The following EYS variants were observed in gnomAD, a reference collection of about 807,000 sequenced individuals.
EYS encodes EGF-like photoreceptor maintenance factor, also known as protein eyes shut homolog.
EYS carries 250 observed loss-of-function variants against 282.1 expected under a neutral mutation model. The observed-to-expected ratio is 0.89, with a 90% confidence interval of 0.80 to 0.98. The LOEUF is 0.98. EYS is among the 50% of genes least tolerant of loss of function. The pLI is 0.00. For missense variants in EYS, 4,016 were observed against 3,709.0 expected, an observed-to-expected ratio of 1.08 and a Z score of -2.15; for synonymous variants, 1,355 against 1,282.9, an observed-to-expected ratio of 1.06 and a Z score of -1.20.
chr6:63,788,220 G>A lies in EYS; in HGVS notation c.7608C>T (p.Ile2536=), dbSNP rs562496683. Residue 2536 remains isoleucine (I), a synonymous_variant, in exon 39 of 43, where the codon ATC becomes ATT. Transcript: ENST00000503581. The part of the protein sequence containing the change: ...KVDDHKNKSI[I]APGRLVGLNV... ...TGAGACCAACCAGTCTTCCTGGGGC[G>A]ATAATGGATTTATTTTTATGATCAT... 1.1e-4 allele frequency: 170 copies of A among 1,537,920 alleles called. No individual in the cohort carries two copies. Among genetic ancestry groups the A allele is most frequent in the Admixed American group, 7.8e-4 (37 of 47,550 alleles).
intron 41 of EYS, among the ~76,000 whole-genome samples, chr6:63,761,006 A>G (rs1316246649): frequency 4.6e-5 from 7 of 151,410 alleles, no homozygotes; most frequent in African/African-American, 1.7e-4. Flanking sequence ...AACCATCATA[A>G]TCAGTTTTTA....
chr6:64,699,582 A>G (rs1316148468), intron 22 of EYS, among the ~76,000 whole-genome samples: 1 of 152,120 alleles, frequency 6.6e-6, no homozygotes, highest in African/African-American at 2.4e-5. Flanking sequence ...TATACCCACA[A>G]ATCAGAAAAC....
intron 26 of EYS, among the ~76,000 whole-genome samples, chr6:64,442,681 C>T (rs1774989205): frequency 6.6e-6 from 1 of 152,140 alleles, no homozygotes; most frequent in African/African-American, 2.4e-5. Flanking sequence ...CTAAAAGGGG[C>T]CAAGGTACAG....
intron 35 of EYS, among the ~76,000 whole-genome samples, chr6:63,908,968 A>G (rs946167428): frequency 6.7e-6 from 1 of 148,602 alleles, no homozygotes; most frequent in Non-Finnish European, 1.5e-5. Flanking sequence ...ATTGAAGGCT[A>G]TTTTTTTTTT....
intron 30 of EYS, among the ~76,000 whole-genome samples, chr6:64,285,630 C>G (rs1044211458): frequency 3.3e-5 from 5 of 152,122 alleles, no homozygotes; most frequent in Non-Finnish European, 7.4e-5. Context: ...TGTATTAGTC[C>G]ATTTTCACAC....
At chr6:64,900,386 C>T (rs936497632) in intron 18 of EYS, among the ~76,000 whole-genome samples, 4 of 152,062 alleles carry the variant, frequency 2.6e-5, no homozygotes, top group South Asian at 4.1e-4. Flanking sequence ...CAAATGGGAT[C>T]GAATTAAACT....
chr6:64,568,488 A>T (rs1765626056), intron 26 of EYS, among the ~76,000 whole-genome samples: 1 of 152,180 alleles, frequency 6.6e-6, no homozygotes, highest in African/African-American at 2.4e-5. Flanking sequence ...CCAGTCAGGG[A>T]CTTACAGATA....
At chr6:63,997,400 T>C (rs1434495072) in intron 34 of EYS, among the ~76,000 whole-genome samples, 2 of 152,124 alleles carry the variant, frequency 1.3e-5, no homozygotes, top group East Asian at 1.9e-4. Context: ...CGTGACCAAA[T>C]TGAGCTTTGG....
chr6:64,879,181 C>T (rs537397748), intron 19 of EYS, among the ~76,000 whole-genome samples: 1 of 152,234 alleles, frequency 6.6e-6, no homozygotes, highest in African/African-American at 2.4e-5. Context: ...ATGTCCTCAC[C>T]TCTATCTCCA....
intron 30 of EYS, among the ~76,000 whole-genome samples, chr6:64,272,032 T>G (rs1198171195): frequency 6.6e-6 from 1 of 152,132 alleles, no homozygotes; most frequent in Non-Finnish European, 1.5e-5. Flanking sequence ...GGCCTATATA[T>G]TCCCTATTAC....
At chr6:65,280,870 A>G (rs1288049205) in intron 12 of EYS, among the ~76,000 whole-genome samples, 1 of 146,778 alleles carries the variant, frequency 6.8e-6, no homozygotes, top group Non-Finnish European at 1.5e-5. Context: ...AAAAAAATAT[A>G]TATATATATA....
At chr6:64,421,819 AGAGAGAGC>A (rs1419287412) in intron 28 of EYS, among the ~76,000 whole-genome samples, 4 of 151,650 alleles carry the variant, frequency 2.6e-5, no homozygotes, top group Admixed American at 2.6e-4. Context: ...CGAAGAAGAG[AGAGAGAGC>A]GAGAGAGAGA....
At chr6:65,412,803 GA>G (rs1475764256) in intron 5 of EYS, among the ~76,000 whole-genome samples, 1 of 151,794 alleles carries the variant, frequency 6.6e-6, no homozygotes, top group Non-Finnish European at 1.5e-5. Context: ...GGTATTTCTA[GA>G]AAAAAATAGT....
intron 26 of EYS, among the ~76,000 whole-genome samples, chr6:64,576,111 T>C (rs550280572): frequency 2.6e-5 from 4 of 152,074 alleles, no homozygotes; most frequent in Admixed American, 2.0e-4. Flanking sequence ...CCTTTAAAAA[T>C]CTTGGAAAAT....
rs1202571733 is a variant in EYS, at chr6:65,491,304, C to G, written c.749-597G>C. On this transcript the variant is annotated intron_variant, in intron 4 of 42. Transcript: ENST00000503581. ...ACACACACACACACACACACACACA[C>G]ACAGCCTTCCATAACATACTCATTC... 2.7e-5 allele frequency: 7 copies of G among 259,022 alleles called. No individual in the cohort carries two copies. In the Admixed American group the frequency reaches 3.3e-4, roughly 12 times the overall value. 16.0% of individuals were successfully genotyped at this position (259,022 alleles called of 1,614,324 possible).
At chr6:65,474,755 T>C (rs1258252281) in intron 5 of EYS, among the ~76,000 whole-genome samples, 1 of 152,148 alleles carries the variant, frequency 6.6e-6, no homozygotes, top group Non-Finnish European at 1.5e-5. Context: ...AATGTTGTCA[T>C]TGTTTTAAAC....
chr6:64,337,580 CATT>C (rs1402766507), intron 29 of EYS, among the ~76,000 whole-genome samples: 6 of 151,788 alleles, frequency 4.0e-5, no homozygotes, highest in Admixed American at 3.9e-4. Context: ...ATCCTTTTAA[CATT>C]ATTCCACAAG....
At chr6:64,827,691 A>T (rs1044228411) in intron 19 of EYS, among the ~76,000 whole-genome samples, 1 of 151,894 alleles carries the variant, frequency 6.6e-6, no homozygotes, top group Non-Finnish European at 1.5e-5. Context: ...AAATTAAAAA[A>T]GTCATAAGAG....
chr6:63,998,454 C>A (rs1428150930), intron 34 of EYS, among the ~76,000 whole-genome samples: 1 of 152,076 alleles, frequency 6.6e-6, no homozygotes, highest in African/African-American at 2.4e-5. Context: ...AAAATTAGAT[C>A]TCTAATTATA....
Sources: gnomAD v4.1 joint callset for allele counts (sites outside exome capture counted in the v4.1 genomes callset) on GRCh38, gnomAD v4.1.1 for gene constraint, MANE v1.5 for transcripts, NCBI Gene and HGNC (gene_info 2026-07-23, HGNC 2026-07-21) for gene names.